Variants in CHID1 observed in about 807,000 individuals in gnomAD.
CHID1 encodes chitinase domain-containing protein 1.
CHID1 carries 44 observed loss-of-function variants against 55.4 expected under a neutral mutation model. That is an observed-to-expected ratio of 0.79 (90% CI 0.62 to 1.02). CHID1 has a LOEUF of 1.02. CHID1 is among the 50% of genes least tolerant of loss of function. The probability of loss-of-function intolerance (pLI) is 0.00; values close to 1 mark genes in which losing one functional copy is unlikely to be tolerated. For synonymous variants in CHID1, 216 were observed against 212.9 expected (o/e 1.01, Z -0.13); for missense variants, 491 against 515.3 (o/e 0.95, Z 0.46).
At chr11:902,581 G>A (rs1000436990) in intron 3 of CHID1, among the ~76,000 whole-genome samples, 2 of 152,170 alleles carry the variant, frequency 1.3e-5, no homozygotes, top group African/African-American at 4.8e-5. Context: ...CCCACCTGGA[G>A]CTAGTGCACA....
At chr11:877,781 C>A (rs997699898) in intron 10 of CHID1, among the ~76,000 whole-genome samples, 5 of 141,242 alleles carry the variant, frequency 3.5e-5, no homozygotes, top group Admixed American at 1.4e-4. Context: ...CTTTAGAAGG[C>A]GGCACTGTGG....
upstream of CHID1, among the ~76,000 whole-genome samples, chr11:912,698 G>C (rs867505954): frequency 6.6e-6 from 1 of 152,034 alleles, no homozygotes; most frequent in Middle Eastern, 3.2e-3. Context: ...CGAAAAATTA[G>C]CCGGGCGTAG....
At position 883,250 on chromosome 11, in the gene CHID1, T is replaced by C; in HGVS notation, c.857A>G (p.Asp286Gly). 1.2e-6 allele frequency: 2 copies of C among 1,614,122 alleles called. No homozygotes were observed. Among genetic ancestry groups the C allele is most frequent in the Non-Finnish European group, 1.7e-6 (2 of 1,179,996 alleles). Residue 286 changes from aspartate to glycine, a missense_variant, in exon 10 of 13, where the codon GAC becomes GGC. Asp to Gly is a moderately conservative substitution (Grantham distance 94, BLOSUM62 -1). Coordinates refer to ENST00000323578, the MANE Select transcript of CHID1 (RefSeq NM_023947.4). Reference protein sequence around the residue: ...SWVRACVQVLDPKSKWRSKIL... With the variant: ...SWVRACVQVLGPKSKWRSKIL... ...TTTGCTTCGCCACTTGGACTTCGGG[T>C]CCAGGACCTGGACGCAGGCTCGAAC... is the stretch of plus-strand genomic sequence containing the variant.
At chr11:895,480 T>C (rs901713165) in intron 7 of CHID1, among the ~76,000 whole-genome samples, 1 of 152,164 alleles carries the variant, frequency 6.6e-6, no homozygotes, top group Non-Finnish European at 1.5e-5. Flanking sequence ...TGCTGCAGCA[T>C]TGCCCGGAGC....
Position 904,817 on chromosome 11 carries a change from G to C in CHID1, c.-1C>G. ...AGAGGAGGTTGAAGAGTGTCCGCATGGTAGGTGTGTCACAGTAGGGTCCAA... is the reference window on the plus strand; with the variant it reads ...AGAGGAGGTTGAAGAGTGTCCGCATCGTAGGTGTGTCACAGTAGGGTCCAA... On this transcript the variant is annotated 5_prime_UTR_variant, in exon 2 of 13. Transcript: ENST00000323578. The C allele has an allele frequency of 6.2e-7, 1 of 1,613,860 alleles. No homozygotes were observed. The highest frequency in any genetic ancestry group is 8.5e-7 in the Non-Finnish European group (1 of 1,180,008).
chr11:881,286 A>G (rs531631956), intron 10 of CHID1, among the ~76,000 whole-genome samples: 1 of 152,292 alleles, frequency 6.6e-6, no homozygotes, highest in East Asian at 1.9e-4. Flanking sequence ...CTCATAAAAA[A>G]TAAAAAAAAT....
At chr11:902,434 CGTA>C in intron 3 of CHID1, 104 bp from the exon 4 acceptor site, 1 of 1,325,004 alleles carries the variant, frequency 7.5e-7, no homozygotes, top group East Asian at 2.3e-5. Context: ...GGCTGGCCAG[CGTA>C]GACAGATACC....
chr11:884,583 C>T (rs890796606), intron 8 of CHID1, among the ~76,000 whole-genome samples: 1 of 152,180 alleles, frequency 6.6e-6, no homozygotes. Flanking sequence ...GCAAAGCCTC[C>T]CTGAAGGCAG....
intron 3 of CHID1, 145 bp downstream of exon 3, chr11:902,817 C>T: frequency 1.3e-6 from 1 of 743,974 alleles, no homozygotes; most frequent in Non-Finnish European, 2.2e-6. Flanking sequence ...GGCATCTCTC[C>T]CACCGTAGCC....
At chr11:888,232 C>G (rs1342863461) in intron 8 of CHID1, among the ~76,000 whole-genome samples, 1 of 152,340 alleles carries the variant, frequency 6.6e-6, no homozygotes, top group Non-Finnish European at 1.5e-5. Context: ...CACGAGGGAA[C>G]AAAGCAGGCC....
intron 8 of CHID1, among the ~76,000 whole-genome samples, chr11:887,522 G>A (rs1178074710): frequency 1.3e-5 from 2 of 152,206 alleles, no homozygotes; most frequent in South Asian, 2.1e-4. Context: ...TTCCTCTCAC[G>A]TGCTCCACGG....
intron 12 of CHID1, 46 bp from the exon 13 acceptor site, chr11:870,002 C>A: frequency 6.2e-7 from 1 of 1,608,384 alleles, no homozygotes. Context: ...CCTGTCCCCC[C>A]AACACCCAGG....
At chr11:871,412 C>T (rs1057471392) in intron 10 of CHID1, among the ~76,000 whole-genome samples, 1 of 149,404 alleles carries the variant, frequency 6.7e-6, no homozygotes, top group Non-Finnish European at 1.5e-5. Flanking sequence ...CCCCCTCCTT[C>T]ACACAGAGGA....
At chr11:905,487 T>C (rs1042233506) in intron 1 of CHID1, among the ~76,000 whole-genome samples, 2 of 152,128 alleles carry the variant, frequency 1.3e-5, no homozygotes, top group Non-Finnish European at 2.9e-5. Flanking sequence ...CTGACCAACA[T>C]GGTGAAACCC....
At chr11:872,702 G>C (rs1447982457) in intron 10 of CHID1, among the ~76,000 whole-genome samples, 3 of 152,234 alleles carry the variant, frequency 2.0e-5, no homozygotes, top group Non-Finnish European at 4.4e-5. Context: ...CACCACTCAA[G>C]GTGTTGTTGG....
upstream of CHID1, among the ~76,000 whole-genome samples, chr11:913,147 C>T (rs2134412729): frequency 6.7e-6 from 1 of 149,110 alleles, no homozygotes; most frequent in South Asian, 2.1e-4. Flanking sequence ...AATTGCCCCC[C>T]CCCGCAAAAA....
intron 7 of CHID1, 128 bp from the exon 8 acceptor site, chr11:893,647 G>T: frequency 4.4e-6 from 3 of 675,578 alleles, no homozygotes; most frequent in East Asian, 2.9e-5. Context: ...CAGGGCAGGT[G>T]GGCCCCTTCG....
chr11:912,647 A>T (rs532036399), upstream of CHID1, among the ~76,000 whole-genome samples: 88 of 152,242 alleles, frequency 5.8e-4, no homozygotes, highest in Non-Finnish European at 1.1e-3. Context: ...GATCGAGACC[A>T]TCCTGATTAA....
upstream of CHID1, among the ~76,000 whole-genome samples, chr11:913,141 G>C (rs1164418929): frequency 6.9e-6 from 1 of 145,090 alleles, no homozygotes; most frequent in African/African-American, 2.6e-5. Flanking sequence ...CAGGAAAATT[G>C]CCCCCCCCCG....
Sources: gnomAD v4.1 joint callset for allele counts (sites outside exome capture counted in the v4.1 genomes callset) on GRCh38, gnomAD v4.1.1 for gene constraint, MANE v1.5 for transcripts, NCBI Gene and HGNC (gene_info 2026-07-23, HGNC 2026-07-21) for gene names.